Variants in ASIC2 observed in about 807,000 individuals in gnomAD.
ASIC2 encodes the protein acid sensing ion channel subunit 2.
In ASIC2, 25 loss-of-function variants were observed where a neutral mutation model predicts 57.3. The observed-to-expected ratio is 0.44, with a 90% confidence interval of 0.32 to 0.61. The LOEUF is 0.61. Among genes scored for constraint, ASIC2 ranks in the 20% least tolerant of loss-of-function variants. The pLI, the probability that ASIC2 is intolerant of heterozygous loss-of-function variation, is 0.06. For synonymous variants in ASIC2, 319 were observed against 307.5 expected (o/e 1.04, Z -0.39); for missense variants, 641 against 738.1 (o/e 0.87, Z 1.52).
At chr17:33,354,334 C>G (rs984805254) in intron 1 of ASIC2, among the ~76,000 whole-genome samples, 3 of 152,156 alleles carry the variant, frequency 2.0e-5, no homozygotes, top group African/African-American at 4.8e-5. Flanking sequence ...CTATGAGCCC[C>G]CTGGAGGAGA....
At chr17:33,791,964 T>G (rs1279991525) in intron 1 of ASIC2, 1 of 152,024 alleles carries the variant, frequency 6.6e-6, no homozygotes, top group Non-Finnish European at 1.5e-5. Context: ...TGCACCACCA[T>G]GCCTGGCTCA....
intron 1 of ASIC2, among the ~76,000 whole-genome samples, chr17:33,461,670 A>G (rs1912641194): frequency 6.6e-6 from 1 of 152,168 alleles, no homozygotes; most frequent in South Asian, 2.1e-4. Flanking sequence ...ACCACTCTAG[A>G]ATCTCTTGTT....
intron 1 of ASIC2, among the ~76,000 whole-genome samples, chr17:33,311,935 T>A (rs1243552653): frequency 2.6e-5 from 4 of 152,218 alleles, no homozygotes; most frequent in Non-Finnish European, 5.9e-5. Flanking sequence ...CCCAGCTTTA[T>A]GTTGCTGCCA....
At chr17:33,547,570 C>T (rs1473473996) in intron 1 of ASIC2, among the ~76,000 whole-genome samples, 1 of 152,158 alleles carries the variant, frequency 6.6e-6, no homozygotes, top group Non-Finnish European at 1.5e-5. Context: ...CCTACAAGCC[C>T]TCCTGCTCTC....
chr17:33,352,913 T>G (rs1908241024), intron 1 of ASIC2, among the ~76,000 whole-genome samples: 1 of 152,154 alleles, frequency 6.6e-6, no homozygotes, highest in Non-Finnish European at 1.5e-5. Flanking sequence ...TCCCTCATTC[T>G]TCAAGGTTCA....
chr17:34,151,183 C>T (rs961831752), intron 1 of ASIC2, among the ~76,000 whole-genome samples: 2 of 151,138 alleles, frequency 1.3e-5, no homozygotes, highest in African/African-American at 2.4e-5. Flanking sequence ...ATTCCAGGAA[C>T]AGCAAGTAAC....
At chr17:34,064,782 T>C (rs1039926537) in intron 1 of ASIC2, among the ~76,000 whole-genome samples, 1 of 152,076 alleles carries the variant, frequency 6.6e-6, no homozygotes, top group African/African-American at 2.4e-5. Flanking sequence ...GAAAAAATGC[T>C]CAACATCACT....
chr17:33,140,359 T>C (rs545917236), intron 1 of ASIC2, among the ~76,000 whole-genome samples: 91 of 152,262 alleles, frequency 6.0e-4, no homozygotes, highest in African/African-American at 2.0e-3. Context: ...AGCAACATGG[T>C]GTAGTGGAAA....
intron 1 of ASIC2, among the ~76,000 whole-genome samples, chr17:33,647,773 CT>C (rs1006092232): frequency 1.3e-5 from 2 of 152,192 alleles, no homozygotes; most frequent in African/African-American, 4.8e-5. Flanking sequence ...ACTTAATGGC[CT>C]GAAAATGCCC....
At chr17:33,580,429 A>G (rs1904394761) in intron 1 of ASIC2, among the ~76,000 whole-genome samples, 1 of 152,212 alleles carries the variant, frequency 6.6e-6, no homozygotes. Flanking sequence ...ACCGCACTAC[A>G]GGTGGCATCA....
chr17:33,794,149 A>C, intron 1 of ASIC2: 1 of 152,220 alleles, frequency 6.6e-6, no homozygotes, highest in East Asian at 1.9e-4. Context: ...CCCAATTTGC[A>C]GGACAAAAGT....
chr17:33,014,328 C>T (rs1347804617), intron 9 of ASIC2, among the ~76,000 whole-genome samples: 1 of 152,090 alleles, frequency 6.6e-6, no homozygotes, highest in Non-Finnish European at 1.5e-5. Flanking sequence ...CTTAGAGGTG[C>T]CCCTCATGTA....
At chr17:33,981,714 T>C (rs1254035414) in intron 1 of ASIC2, among the ~76,000 whole-genome samples, 1 of 152,054 alleles carries the variant, frequency 6.6e-6, no homozygotes, top group Non-Finnish European at 1.5e-5. Context: ...GAAGATTAGC[T>C]AACATCTAGC....
At chr17:34,032,854 T>C (rs1030189635) in intron 1 of ASIC2, among the ~76,000 whole-genome samples, 1 of 152,180 alleles carries the variant, frequency 6.6e-6, no homozygotes, top group African/African-American at 2.4e-5. Context: ...AGTACCCAGA[T>C]TCATAAAGTA....
At chr17:33,185,331 G>T (rs1232653841) in intron 1 of ASIC2, among the ~76,000 whole-genome samples, 2 of 152,138 alleles carry the variant, frequency 1.3e-5, no homozygotes, top group Non-Finnish European at 2.9e-5. Context: ...CCTCTTGGGT[G>T]ACTATTTTTG....
At chr17:33,785,762 G>A (rs1004544640) in intron 1 of ASIC2, among the ~76,000 whole-genome samples, 2 of 152,156 alleles carry the variant, frequency 1.3e-5, no homozygotes, top group African/African-American at 4.8e-5. Flanking sequence ...TCAAATTACT[G>A]TTCTATGAGA....
intron 1 of ASIC2, among the ~76,000 whole-genome samples, chr17:34,087,326 T>C (rs2142084272): frequency 6.6e-6 from 1 of 152,164 alleles, no homozygotes; most frequent in South Asian, 2.1e-4. Flanking sequence ...CATGAAATTC[T>C]GGGTTGAAAA....
intron 1 of ASIC2, among the ~76,000 whole-genome samples, chr17:33,928,236 C>T (rs1280289480): frequency 1.3e-5 from 2 of 152,238 alleles, no homozygotes; most frequent in African/African-American, 4.8e-5. Context: ...CCATTGGCGA[C>T]CTTTCGAAGG....
Position 33,064,578 on chromosome 17 carries a change from C to G in ASIC2, c.987+24285G>C, listed in dbSNP as rs368172524. On this transcript the variant is annotated intron_variant, in intron 3 of 9. Coordinates refer to ENST00000225823, the MANE Select transcript of ASIC2 (RefSeq NM_183377.2). Reference sequence around the variant, plus strand: ...TGTTTCATCTCAGAGGGGTACCTGGCCGTGTGAGGTGTCAGTCTGCCCCTA... The same window carrying G: ...TGTTTCATCTCAGAGGGGTACCTGGGCGTGTGAGGTGTCAGTCTGCCCCTA... Among the ~76,000 whole-genome samples the G allele has an allele frequency of 2.0e-5, 3 of 152,344 alleles. No homozygotes were observed. In the South Asian group the frequency reaches 6.2e-4, roughly 32 times the overall value.
Sources: allele counts gnomAD v4.1 joint callset (sites outside exome capture counted in the v4.1 genomes callset), GRCh38; gene constraint gnomAD v4.1.1; transcripts MANE v1.5; gene names NCBI Gene and HGNC (gene_info 2026-07-23, HGNC 2026-07-21).